The following LTBP2 variants were observed in gnomAD, a reference collection of about 807,000 sequenced individuals.
The protein encoded by LTBP2 is latent-transforming growth factor beta-binding protein 2.
In LTBP2, 103 loss-of-function variants were observed where a neutral mutation model predicts 210.6. The ratio of observed to expected loss-of-function variants is 0.49; its 90% confidence interval spans 0.42 to 0.58. The LOEUF (loss-of-function observed/expected upper bound fraction) is 0.58, where lower values mean the gene tolerates loss of function less well. Ranked by LOEUF, LTBP2 falls within the 20% of genes least tolerant of loss-of-function variation. LTBP2 has a pLI of 0.00. For missense variants in LTBP2, 2,313 were observed against 2,494.5 expected (o/e 0.93, Z 1.55); for synonymous variants, 1,007 against 1,015.0 (o/e 0.99, Z 0.15).
intron 30 of LTBP2, 55 bp from the exon 31 acceptor site, chr14:74,504,109 C>T: frequency 6.2e-7 from 1 of 1,600,954 alleles, no homozygotes; most frequent in Non-Finnish European, 8.5e-7. Flanking sequence ...TGAGGGGTAC[C>T]TAGAGCAGGG....
Position 74,504,971 on chromosome 14 carries a change from T to C in LTBP2, c.4369+12A>G. On this transcript the variant is annotated intron_variant, in intron 29 of 35. Coordinates refer to ENST00000261978, the MANE Select transcript of LTBP2 (RefSeq NM_000428.3). ...CTGACCCTTCGAGGATCTGGAACCCTTGGGGTCTTACCTGAGTCCTCAGAC... is the reference window on the plus strand; with the variant it reads ...CTGACCCTTCGAGGATCTGGAACCCCTGGGGTCTTACCTGAGTCCTCAGAC... The C allele has an allele frequency of 6.2e-7, 1 of 1,614,190 alleles. No individual in the cohort carries two copies. Among genetic ancestry groups the C allele is most frequent in the Non-Finnish European group, 8.5e-7 (1 of 1,180,026 alleles).
chr14:74,526,192 C>G, intron 13 of LTBP2, 78 bp from the exon 14 acceptor site: 1 of 1,421,008 alleles, frequency 7.0e-7, no homozygotes, highest in South Asian at 1.2e-5. Context: ...ACACTGACCC[C>G]CACCTCCGGG....
intron 2 of LTBP2, among the ~76,000 whole-genome samples, chr14:74,590,986 CT>C (rs1414366211): frequency 1.3e-5 from 2 of 152,164 alleles, no homozygotes; most frequent in East Asian, 3.8e-4. Context: ...ACTCCAAAAG[CT>C]ATTGAAATTA....
chr14:74,518,628 C>A (rs897151700), intron 17 of LTBP2, among the ~76,000 whole-genome samples: 1 of 152,230 alleles, frequency 6.6e-6, no homozygotes, highest in Admixed American at 6.5e-5. Flanking sequence ...AGCACAGAAC[C>A]CCAATAAGTG....
chr14:74,604,164 C>CAAAAAAAAAAAAAAAAAAAAAAAAAAA lies in LTBP2; in HGVS notation c.495-460_495-459insTTTTTTTTTTTTTTTTTTTTTTTTTTT, dbSNP rs59313477. Among the ~76,000 whole-genome samples the CAAAAAAAAAAAAAAAAAAAAAAAAAAA allele has an allele frequency of 5.5e-4, 40 of 72,704 alleles. 3 individuals carry two copies. Among genetic ancestry groups the CAAAAAAAAAAAAAAAAAAAAAAAAAAA allele is most frequent in the African/African-American group, 2.9e-3 (39 of 13,410 alleles). The allele number at this position is 72,704 out of a possible 152,430, so 47.7% of individuals were successfully genotyped here. A position where few individuals can be genotyped will look rare whatever the true frequency, so the allele number is the denominator to read the frequency against. On this transcript the variant is annotated intron_variant, in intron 1 of 35. Transcript: ENST00000261978. ...GCTCCAACTCTACATTGCCTCTCACCAAAAAAAAAAAAAAAAAAAACCACA... is the reference window on the plus strand; with the variant it reads ...GCTCCAACTCTACATTGCCTCTCACCAAAAAAAAAAAAAAAAAAAAAAAAAAAAAAAAAAAAAAAAAAAAAAACCACA...
At position 74,498,939 on chromosome 14, in the gene LTBP2, A is replaced by G. The variant is rs947720261; in HGVS notation, c.*1945T>C. On this transcript the variant is annotated 3_prime_UTR_variant, in exon 36 of 36. Coordinates refer to ENST00000261978, the MANE Select transcript of LTBP2 (RefSeq NM_000428.3). The stretch of plus-strand genomic sequence containing the variant: ...TGTTTCTAATCTTTAGCTATTACAA[A>G]TGATGCAGTAATAACTTCTTACGTA... 3 of 224,732 alleles carry G rather than the reference A, an allele frequency of 1.3e-5. No homozygotes were observed. The highest frequency in any genetic ancestry group is 4.5e-5 in the African/African-American group (2 of 44,904). The allele number at this position is 224,732 out of a possible 1,614,324, so 13.9% of individuals were successfully genotyped here.
At position 74,528,526 on chromosome 14, in the gene LTBP2, G is replaced by A. The variant is rs552418060; in HGVS notation, c.2325C>T (p.Val775=). 3 of 1,612,386 alleles carry A rather than the reference G, an allele frequency of 1.9e-6. No individual in the cohort carries two copies. Among genetic ancestry groups the A allele is most frequent in the African/African-American group, 1.3e-5 (1 of 75,044 alleles). The change falls in exon 12 of 36, where the codon GTC becomes GTT. Residue 775 remains valine (V), a synonymous_variant. Transcript: ENST00000261978. ...CGGCCTCAAGCCAGGTGTCCGTGAC[G>A]ACCCGGAGGGGCTGCCTCTCTGCTG... ...PGPAERQPLR[V]VTDTWLEAGT...
At chr14:74,599,500 C>T (rs866999418) in intron 2 of LTBP2, among the ~76,000 whole-genome samples, 38 of 152,258 alleles carry the variant, frequency 2.5e-4, no homozygotes, top group African/African-American at 8.4e-4. Context: ...TGTCACTCCA[C>T]ACCCTCCAGT....
intron 3 of LTBP2, among the ~76,000 whole-genome samples, chr14:74,582,787 C>A (rs1302637943): frequency 6.6e-6 from 1 of 152,232 alleles, no homozygotes; most frequent in African/African-American, 2.4e-5. Context: ...CATCCTAGAC[C>A]TGCCGAATCA....
In LTBP2 at chr14:74,579,072, G is replaced by A. The variant is rs778331312; in HGVS notation, c.830+6782C>T. Among the ~76,000 whole-genome samples the A allele has an allele frequency of 7.2e-5, 11 of 152,292 alleles. No homozygotes were observed. In the East Asian group the frequency reaches 9.7e-4, roughly 13 times the overall value. On this transcript the variant is annotated intron_variant, in intron 3 of 35. Coordinates refer to ENST00000261978, the MANE Select transcript of LTBP2 (RefSeq NM_000428.3). ...GGGTTTCGCCATGTTGGCCAGGCTC[G>A]TCTCGAACTCCTGACCTCGGGTGAT... is the stretch of plus-strand genomic sequence containing the variant.
At position 74,611,501 on chromosome 14, in the gene LTBP2, T is replaced by G; in HGVS notation, c.444A>C (p.Pro148=). The G allele has an allele frequency of 6.6e-7, 1 of 1,520,816 alleles. No homozygotes were observed. The highest frequency in any genetic ancestry group is 8.7e-7 in the Non-Finnish European group (1 of 1,146,142). The allele number at this position is 1,520,816 out of a possible 1,614,324, so 94.2% of individuals were successfully genotyped here. A position where few individuals can be genotyped will look rare whatever the true frequency, so the allele number is the denominator to read the frequency against. The change falls in exon 1 of 36, where the codon CCA becomes CCC. Residue 148 remains proline (P), a synonymous_variant. Transcript: ENST00000261978. ...AAPALPRLGT[P]QRSGAAPPTP... is the part of the protein sequence containing the mutation. ...TTGGGGGCGCAGCCCCAGACCGCTG[T>G]GGGGTCCCCAGGCGTGGGAGAGCCG...
At chr14:74,523,543 G>A (rs79459845) in intron 15 of LTBP2, among the ~76,000 whole-genome samples, 7,628 of 152,040 alleles carry the variant, frequency 0.05, 345 homozygotes, top group African/African-American at 0.12. Flanking sequence ...TTAAATGAGG[G>A]TCTGCCTTGG....
In LTBP2 at chr14:74,612,037, G is replaced by C; in HGVS notation, c.-93C>G. On this transcript the variant is annotated 5_prime_UTR_variant, in exon 1 of 36. Coordinates refer to ENST00000261978, the MANE Select transcript of LTBP2 (RefSeq NM_000428.3). ...GCCCGCGGGCTGTTCTCCCGGCCCC[G>C]CCCGGCGGCCAGCTTCTCTGAGTCT... 1 of 1,333,106 alleles carries C rather than the reference G, an allele frequency of 7.5e-7. No individual in the cohort carries two copies. The highest frequency in any genetic ancestry group is 9.7e-7 in the Non-Finnish European group (1 of 1,025,906). The allele number at this position is 1,333,106 out of a possible 1,614,324, so 82.6% of individuals were successfully genotyped here. A position where few individuals can be genotyped will look rare whatever the true frequency, so the allele number is the denominator to read the frequency against.
chr14:74,611,184 G>C (rs1363059769), intron 1 of LTBP2, among the ~76,000 whole-genome samples: 8 of 152,234 alleles, frequency 5.3e-5, no homozygotes, highest in African/African-American at 1.7e-4. Flanking sequence ...GGCGAGTGGA[G>C]AGGCGCCTTG....
At chr14:74,541,234 T>A (rs1409462380) in intron 8 of LTBP2, among the ~76,000 whole-genome samples, 1 of 152,036 alleles carries the variant, frequency 6.6e-6, no homozygotes, top group Non-Finnish European at 1.5e-5. Context: ...AAGCATAAGC[T>A]ACGTGAGGAC....
chr14:74,588,822 C>G (rs1448724920), intron 2 of LTBP2, among the ~76,000 whole-genome samples: 1 of 152,176 alleles, frequency 6.6e-6, no homozygotes, highest in Non-Finnish European at 1.5e-5. Flanking sequence ...GGTTAAGAGA[C>G]TTGCCTGAGG....
At chr14:74,578,034 G>T (rs895983656) in intron 3 of LTBP2, among the ~76,000 whole-genome samples, 1 of 151,954 alleles carries the variant, frequency 6.6e-6, no homozygotes, top group Admixed American at 6.6e-5. Context: ...CAGAAGGCCC[G>T]CAGCAGCACA....
At chr14:74,553,923 C>CGTGT (rs34143485) in intron 4 of LTBP2, among the ~76,000 whole-genome samples, 16,022 of 130,426 alleles carry the variant, frequency 0.12, 1,111 homozygotes, top group East Asian at 0.27. Flanking sequence ...AGCGGAGAAA[C>CGTGT]GTGTGTGTGT....
chr14:74,540,895 TA>T (rs1428225821), intron 8 of LTBP2, among the ~76,000 whole-genome samples: 169 of 89,510 alleles, frequency 1.9e-3, no homozygotes, highest in South Asian at 6.3e-3. Flanking sequence ...TATTATATAT[TA>T]AAAATATATA....
Sources: allele counts gnomAD v4.1 joint callset (sites outside exome capture counted in the v4.1 genomes callset), GRCh38; gene constraint gnomAD v4.1.1; transcripts MANE v1.5; gene names NCBI Gene and HGNC (gene_info 2026-07-23, HGNC 2026-07-21).